TBC1D22A: variants seen among roughly 807,000 people sequenced by gnomAD.
TBC1D22A encodes TBC1 domain family member 22A.
Under a neutral mutation model 60.2 loss-of-function variants are expected in TBC1D22A, and 38 were observed. That is an observed-to-expected ratio of 0.63 (90% CI 0.49 to 0.83). The LOEUF (loss-of-function observed/expected upper bound fraction) is 0.83, where lower values mean the gene tolerates loss of function less well. Ranked by LOEUF, TBC1D22A falls within the 40% of genes least tolerant of loss-of-function variation. TBC1D22A has a pLI of 0.00. For missense variants in TBC1D22A, 628 were observed against 701.0 expected, an observed-to-expected ratio of 0.90 and a Z score of 1.18; for synonymous variants, 302 against 281.7, an observed-to-expected ratio of 1.07 and a Z score of -0.72.
chr22:46,974,488 G>T (rs1295609873), intron 9 of TBC1D22A, 89 bp downstream of exon 9: 52 of 1,082,686 alleles, frequency 4.8e-5, no homozygotes, highest in Non-Finnish European at 6.7e-5. Context: ...CTGAGTCTCA[G>T]TGTGGCCATG....
intron 8 of TBC1D22A, among the ~76,000 whole-genome samples, chr22:46,917,813 ACTGT>A (rs1238020481): frequency 1.3e-5 from 2 of 152,034 alleles, no homozygotes; most frequent in Non-Finnish European, 2.9e-5. Context: ...CCGAGCTGTG[ACTGT>A]CTGTGACTCG....
intron 4 of TBC1D22A, among the ~76,000 whole-genome samples, chr22:46,875,442 G>T (rs131865): frequency 0.59 from 89,317 of 151,778 alleles, 29,137 homozygotes; most frequent in Middle Eastern, 0.81. Context: ...TTGTCTGAGG[G>T]CAGCAATACT....
chr22:46,885,586 G>C (rs1479947781), intron 5 of TBC1D22A, among the ~76,000 whole-genome samples: 1 of 152,228 alleles, frequency 6.6e-6, no homozygotes. Flanking sequence ...ACAAGGTGCA[G>C]ACGGGTCTGG....
chr22:46,837,813 C>A (rs2086586161), intron 4 of TBC1D22A, among the ~76,000 whole-genome samples: 1 of 152,162 alleles, frequency 6.6e-6, no homozygotes, highest in Admixed American at 6.5e-5. Context: ...CCTGTAATCC[C>A]AGCACTTTGG....
chr22:46,978,209 G>T (rs1284282117), intron 9 of TBC1D22A, among the ~76,000 whole-genome samples: 1 of 152,224 alleles, frequency 6.6e-6, no homozygotes, highest in Admixed American at 6.5e-5. Context: ...ACATGCCCAG[G>T]CCTGTGTGCC....
rs189795111 is a variant in TBC1D22A at position 46,934,203 on chromosome 22, C to G, written c.1015+22015C>G. On this transcript the variant is annotated intron_variant, in intron 8 of 12. Transcript: ENST00000337137. ...AATTAAATTTTCTCTTTGCAGATAA[C>G]TAAGGAATCTACTTTACCTTGAAAT... 1.4e-4 allele frequency among the ~76,000 whole-genome samples: 22 copies of G among 152,240 alleles called. No homozygotes were observed. The East Asian group carries it at 4.1e-3, about 28-fold the overall frequency.
chr22:46,773,617 G>A (rs572768439), intron 1 of TBC1D22A, among the ~76,000 whole-genome samples: 60 of 152,220 alleles, frequency 3.9e-4, no homozygotes, highest in Middle Eastern at 3.4e-3. Flanking sequence ...GGCTCATGCC[G>A]CCACACCCAG....
intron 10 of TBC1D22A, among the ~76,000 whole-genome samples, chr22:47,014,331 G>C (rs2061840989): frequency 6.6e-6 from 1 of 152,178 alleles, no homozygotes; most frequent in Non-Finnish European, 1.5e-5. Context: ...TGCTGGGACG[G>C]GGAGAGGTGA....
At chr22:46,952,793 A>C (rs762993251) in intron 8 of TBC1D22A, among the ~76,000 whole-genome samples, 1 of 152,050 alleles carries the variant, frequency 6.6e-6, no homozygotes, top group Non-Finnish European at 1.5e-5. Flanking sequence ...ACCCCTCAGC[A>C]TTGTTGGTAC....
intron 12 of TBC1D22A, among the ~76,000 whole-genome samples, chr22:47,139,995 A>G (rs899869031): frequency 6.6e-5 from 10 of 152,196 alleles, no homozygotes; most frequent in Non-Finnish European, 1.2e-4. Context: ...TGATTCATTC[A>G]TATCTTTTTA....
At chr22:46,901,604 G>A (rs150609541) in intron 7 of TBC1D22A, among the ~76,000 whole-genome samples, 1 of 152,240 alleles carries the variant, frequency 6.6e-6, no homozygotes, top group East Asian at 1.9e-4. Flanking sequence ...AGTAGTTTTG[G>A]TATACTCAGT....
At chr22:46,858,419 C>A (rs1031992249) in intron 4 of TBC1D22A, among the ~76,000 whole-genome samples, 1 of 152,042 alleles carries the variant, frequency 6.6e-6, no homozygotes, top group East Asian at 1.9e-4. Context: ...CGACAGCAGG[C>A]AAGCCGCCCT....
At chr22:46,810,602 T>A (rs1316932265) in intron 4 of TBC1D22A, among the ~76,000 whole-genome samples, 1 of 152,186 alleles carries the variant, frequency 6.6e-6, no homozygotes, top group East Asian at 1.9e-4. Flanking sequence ...GCAATTCAAA[T>A]AACAGACAAT....
At chr22:46,820,541 A>G (rs572233715) in intron 4 of TBC1D22A, among the ~76,000 whole-genome samples, 114 of 152,230 alleles carry the variant, frequency 7.5e-4, no homozygotes, top group African/African-American at 2.7e-3. Flanking sequence ...AAATTATGTG[A>G]TTTTGAGTGA....
chr22:46,893,451 G>T (rs1157915746), intron 6 of TBC1D22A, among the ~76,000 whole-genome samples: 3 of 152,192 alleles, frequency 2.0e-5, no homozygotes, highest in African/African-American at 7.2e-5. Flanking sequence ...GATGGCAGGG[G>T]TTGGGTCTGG....
chr22:46,816,221 C>G (rs991052144), intron 4 of TBC1D22A, among the ~76,000 whole-genome samples: 1 of 152,206 alleles, frequency 6.6e-6, no homozygotes, highest in African/African-American at 2.4e-5. Flanking sequence ...AGCCTCCCCA[C>G]TGGAAGCTGT....
chr22:46,954,755 C>A (rs1303528889), intron 8 of TBC1D22A, among the ~76,000 whole-genome samples: 1 of 152,158 alleles, frequency 6.6e-6, no homozygotes, highest in Non-Finnish European at 1.5e-5. Flanking sequence ...TAATACTGTG[C>A]AATTTAATAC....
chr22:46,904,142 T>TACCTACCTACCTACCTAC (rs2069247452), intron 7 of TBC1D22A, among the ~76,000 whole-genome samples: 21 of 134,574 alleles, frequency 1.6e-4, no homozygotes, highest in African/African-American at 5.0e-4. Context: ...TATCTATCTA[T>TACCTACCTACCTACCTAC]CTACCTACCT....
intron 10 of TBC1D22A, among the ~76,000 whole-genome samples, chr22:47,020,126 G>C (rs1466945464): frequency 6.6e-6 from 1 of 152,208 alleles, no homozygotes; most frequent in East Asian, 1.9e-4. Flanking sequence ...TTTGGGCCTA[G>C]GGATGGAAAG....
Sources: allele counts gnomAD v4.1 joint callset (sites outside exome capture counted in the v4.1 genomes callset), GRCh38; gene constraint gnomAD v4.1.1; transcripts MANE v1.5; gene names NCBI Gene and HGNC (gene_info 2026-07-23, HGNC 2026-07-21).